Variants in ABCA6 observed in about 807,000 individuals in gnomAD.
The protein encoded by ABCA6 is ATP binding cassette subfamily A member 6, also known as ATP-binding cassette sub-family A member 6.
In ABCA6, 164 loss-of-function variants were observed where a neutral mutation model predicts 191.2. That is an observed-to-expected ratio of 0.86 (90% CI 0.76 to 0.98). ABCA6 has a LOEUF of 0.98. ABCA6 is among the 50% of genes least tolerant of loss of function. ABCA6 has a pLI of 0.00. For missense variants in ABCA6, 1,958 were observed against 1,894.1 expected (o/e 1.03, Z -0.63); for synonymous variants, 636 against 647.7 (o/e 0.98, Z 0.27).
rs2073477552 is a variant in ABCA6 at position 69,113,637 on chromosome 17, G to A, written c.1883C>T (p.Thr628Ile). ...ACTTACTTGAGGATCTCCTAAAATG[G>A]TAATCCCAAAAGTCAGCTTTCTTTT... ...GQKRKLTFGITILGDPQILLL... is the reference protein window; with the variant it reads ...GQKRKLTFGIIILGDPQILLL... The change falls in exon 14 of 39, where the codon ACC (threonine) becomes ATC (isoleucine). Residue 628 changes from threonine (T) to isoleucine (I), a missense_variant. Coordinates refer to ENST00000284425, the MANE Select transcript of ABCA6 (RefSeq NM_080284.3). The A allele has an allele frequency of 6.2e-7, 1 of 1,612,896 alleles. No homozygotes were observed. The highest frequency in any genetic ancestry group is 8.5e-7 in the Non-Finnish European group (1 of 1,179,298).
intron 2 of ABCA6, among the ~76,000 whole-genome samples, chr17:69,137,913 G>C (rs1598069568): frequency 6.6e-6 from 1 of 152,258 alleles, no homozygotes; most frequent in East Asian, 1.9e-4. Flanking sequence ...AAAATGAAAA[G>C]GAACTGGCTG....
At chr17:69,092,676 T>C (rs1186707872) in intron 25 of ABCA6, among the ~76,000 whole-genome samples, 1 of 152,194 alleles carries the variant, frequency 6.6e-6, no homozygotes, top group East Asian at 1.9e-4. Context: ...ACAAATTAAC[T>C]ACTGACTGTG....
chr17:69,105,430 T>A, intron 20 of ABCA6, 32 bp downstream of exon 20: 1 of 1,573,024 alleles, frequency 6.4e-7, no homozygotes, highest in Non-Finnish European at 8.6e-7. Flanking sequence ...AAATAACTTA[T>A]TTCTGGATTT....
At chr17:69,133,925 A>C in intron 5 of ABCA6, 58 bp from the exon 6 acceptor site, 1 of 1,172,646 alleles carries the variant, frequency 8.5e-7, no homozygotes. Flanking sequence ...CTGGTGAACT[A>C]TGAGTAAGCT....
chr17:69,119,116 T>TG (rs2073592197), intron 10 of ABCA6, among the ~76,000 whole-genome samples: 1 of 152,098 alleles, frequency 6.6e-6, no homozygotes, highest in Non-Finnish European at 1.5e-5. Flanking sequence ...TCTGGGGTGA[T>TG]GAGTTTTTCT....
Position 69,123,229 on chromosome 17 carries a change from G to C in ABCA6, c.1436+10C>G. The stretch of plus-strand genomic sequence containing the variant: ...GCTCATGCATTAGTATTACTTATAA[G>C]TGTGATTACCTGATGGCTTCTTTTC... On this transcript the variant is annotated intron_variant, in intron 10 of 38. Transcript: ENST00000284425. The C allele has an allele frequency of 7.0e-7, 1 of 1,437,826 alleles. No homozygotes were observed. The highest frequency in any genetic ancestry group is 9.3e-7 in the Non-Finnish European group (1 of 1,080,340). 89.1% of individuals were successfully genotyped at this position (1,437,826 alleles called of 1,614,324 possible).
At chr17:69,109,951 A>G (rs558088877) in intron 17 of ABCA6, 2 of 152,284 alleles carry the variant, frequency 1.3e-5, no homozygotes, top group East Asian at 1.9e-4. Context: ...TGCTGATGCT[A>G]AGATCTAACG....
At chr17:69,083,162 T>C in intron 35 of ABCA6, 50 bp downstream of exon 35, 3 of 1,563,230 alleles carry the variant, frequency 1.9e-6, no homozygotes, top group South Asian at 1.2e-5. Flanking sequence ...GCCCTTTCCA[T>C]GGGAAATCTC....
In ABCA6 at chr17:69,096,795, C is replaced by T. The variant is rs201544714; in HGVS notation, c.3127G>A (p.Ala1043Thr). 1.7e-4 allele frequency: 261 copies of T among 1,515,706 alleles called. 3 individuals carry two copies. In the South Asian group the frequency reaches 2.8e-3, roughly 17 times the overall value. The allele number at this position is 1,515,706 out of a possible 1,614,324, so 93.9% of individuals were successfully genotyped here. A position where few individuals can be genotyped will look rare whatever the true frequency, so the allele number is the denominator to read the frequency against. Residue 1043 changes from alanine to threonine, a missense_variant, in exon 24 of 39, where the codon GCT becomes ACT. Transcript: ENST00000284425. ...MGSISDYKKN[A>T]KSQLWISGLY... ...CCTGAAATCCATAGCTGGGACTTAG[C>T]ATTTTTCTGATTAAAAAAAAAAAGA...
At chr17:69,119,945 GC>G (rs1353702692) in intron 10 of ABCA6, among the ~76,000 whole-genome samples, 1 of 151,974 alleles carries the variant, frequency 6.6e-6, no homozygotes, top group Non-Finnish European at 1.5e-5. Context: ...CAATGCATTA[GC>G]CCATAGTTAT....
chr17:69,123,399 C>T lies in ABCA6; in HGVS notation c.1276G>A (p.Glu426Lys), dbSNP rs746508198. ...AAAAATAAAGGAGAATAATGGCGCT[C>T]ATCTCCATCTAATTAACCAAGAGGC... ...YFDKILPYGD[E>K]RHYSPLFFLN... Residue 426 changes from glutamate (E) to lysine (K), a missense_variant, in exon 10 of 39, where the codon GAG becomes AAG. Transcript: ENST00000284425. 3 of 1,480,288 alleles carry T rather than the reference C, an allele frequency of 2.0e-6. No individual in the cohort carries two copies. The highest frequency in any genetic ancestry group is 3.8e-5 in the Admixed American group (2 of 52,946). 91.7% of individuals were successfully genotyped at this position (1,480,288 alleles called of 1,614,324 possible). A position where few individuals can be genotyped will look rare whatever the true frequency, so the allele number is the denominator to read the frequency against.
chr17:69,112,473 A>G, intron 15 of ABCA6, 200 bp from the exon 16 acceptor site: 1 of 482,978 alleles, frequency 2.1e-6, no homozygotes. Flanking sequence ...TTATTCAGCC[A>G]TAAAAGAGAA....
chr17:69,129,853 C>T, intron 6 of ABCA6, 102 bp from the exon 7 acceptor site: 3 of 830,894 alleles, frequency 3.6e-6, no homozygotes, highest in South Asian at 3.7e-5. Flanking sequence ...TACCCTTGTA[C>T]CTTCTAGATT....
In ABCA6 at chr17:69,134,208, C is replaced by T. The variant is rs146210520; in HGVS notation, c.565-341G>A. 1.9e-3 allele frequency among the ~76,000 whole-genome samples: 288 copies of T among 152,232 alleles called. 1 individual carries two copies. Among genetic ancestry groups the T allele is most frequent in the African/African-American group, 5.9e-3 (244 of 41,538 alleles). ...AAAATCTGATTATATATCATTGCTA[C>T]GGTTTGAAAGTGGCCCCTCCTAAAT... is the stretch of plus-strand genomic sequence containing the variant. On this transcript the variant is annotated intron_variant, in intron 5 of 38. Coordinates refer to ENST00000284425, the MANE Select transcript of ABCA6 (RefSeq NM_080284.3).
intron 10 of ABCA6, among the ~76,000 whole-genome samples, chr17:69,118,236 T>G (rs942806828): frequency 6.6e-6 from 1 of 152,086 alleles, no homozygotes; most frequent in Non-Finnish European, 1.5e-5. Context: ...TCCTCTAGCT[T>G]TAGAACAGTT....
intron 4 of ABCA6, 188 bp downstream of exon 4, chr17:69,135,904 G>T: frequency 1.6e-6 from 1 of 608,464 alleles, no homozygotes; most frequent in South Asian, 2.1e-5. Flanking sequence ...TATGTTGGAT[G>T]ACTCTACAAT....
chr17:69,105,601 G>A lies in ABCA6; in HGVS notation c.2601C>T (p.Phe867=). ...ACATTATATTTTCAACAATCAAAGGGAATATTGCGATTCCAAATACCAATA... is the reference window on the plus strand; with the variant it reads ...ACATTATATTTTCAACAATCAAAGGAAATATTGCGATTCCAAATACCAATA... ...TLLLVFGIAI[F]PLIVENIMYA... The change falls in exon 20 of 39, where the codon TTC becomes TTT. Residue 867 remains phenylalanine, a synonymous_variant. Transcript: ENST00000284425. 3 of 1,519,488 alleles carry A rather than the reference G, an allele frequency of 2.0e-6. No individual in the cohort carries two copies. The highest frequency in any genetic ancestry group is 1.2e-5 in the South Asian group (1 of 84,774). The allele number at this position is 1,519,488 out of a possible 1,614,324, so 94.1% of individuals were successfully genotyped here.
chr17:69,091,132 A>G lies in ABCA6; in HGVS notation c.3528+11T>C, dbSNP rs1279050408. On this transcript the variant is annotated intron_variant, in intron 26 of 38. Transcript: ENST00000284425. ...TTCAAAATTAATGACACAGTTGGTA[A>G]CATTTCTTACCACTTCCAAAAAAGT... 2 of 1,602,382 alleles carry G rather than the reference A, an allele frequency of 1.2e-6. No individual in the cohort carries two copies. The highest frequency in any genetic ancestry group is 1.7e-6 in the Non-Finnish European group (2 of 1,176,242).
chr17:69,132,421 A>G (rs1017561678), intron 6 of ABCA6, among the ~76,000 whole-genome samples: 1 of 152,154 alleles, frequency 6.6e-6, no homozygotes, highest in Non-Finnish European at 1.5e-5. Context: ...CCTATCTGCT[A>G]ATCTTACTTA....
Sources: gnomAD v4.1 joint callset for allele counts (sites outside exome capture counted in the v4.1 genomes callset) on GRCh38, gnomAD v4.1.1 for gene constraint, MANE v1.5 for transcripts, NCBI Gene and HGNC (gene_info 2026-07-23, HGNC 2026-07-21) for gene names.